AKAP13: variants seen among roughly 807,000 people sequenced by gnomAD.
The protein encoded by AKAP13 is A-kinase anchoring protein 13.
Under a neutral mutation model 264.5 loss-of-function variants are expected in AKAP13, and 80 were observed. The observed-to-expected ratio is 0.30, with a 90% CI of 0.25 to 0.36. The LOEUF is 0.36. AKAP13 is among the 10% of genes least tolerant of loss of function. The probability of loss-of-function intolerance (pLI) is 1.00; values close to 1 mark genes in which losing one functional copy is unlikely to be tolerated. For synonymous variants in AKAP13, 1,380 were observed against 1,250.2 expected, an observed-to-expected ratio of 1.10 and a Z score of -2.19; for missense variants, 3,712 against 3,435.2, an observed-to-expected ratio of 1.08 and a Z score of -2.01.
At chr15:85,508,659 C>G (rs7164244) in intron 2 of AKAP13, among the ~76,000 whole-genome samples, 35,965 of 151,806 alleles carry the variant, frequency 0.24, 4,522 homozygotes, top group African/African-American at 0.33. Context: ...TCATGTCACT[C>G]TTCTTTTCAA....
At chr15:85,689,281 C>G (rs1170721003) in intron 16 of AKAP13, among the ~76,000 whole-genome samples, 1 of 152,104 alleles carries the variant, frequency 6.6e-6, no homozygotes, top group Non-Finnish European at 1.5e-5. Context: ...GAAGTGCCTC[C>G]TAGAGTAGTG....
Position 85,727,456 on chromosome 15 carries a change from A to G in AKAP13, c.7080A>G (p.Glu2360=), listed in dbSNP as rs2087683643. ...EKKMLDTRAR[E]LKEQLHQKDQ... is the part of the protein sequence containing the mutation. ...AAATGTTGGACACCAGAGCCCGAGAATTAAAAGGTGAGGCATTGCGAGTGG... is the reference window on the plus strand; with the variant it reads ...AAATGTTGGACACCAGAGCCCGAGAGTTAAAAGGTGAGGCATTGCGAGTGG... The change falls in exon 29 of 37, where the codon GAA becomes GAG. Residue 2360 remains glutamate (E), a synonymous_variant. Coordinates refer to ENST00000394518, the MANE Select transcript of AKAP13 (RefSeq NM_007200.5). The surrounding 1 kb of genome is among the most constrained non-coding windows in gnomAD (Gnocchi z 5.3). The G allele has an allele frequency of 6.2e-7, 1 of 1,614,160 alleles. No homozygotes were observed. The highest frequency in any genetic ancestry group is 8.5e-7 in the Non-Finnish European group (1 of 1,179,984).
chr15:85,441,257 T>TA (rs1204167569), intron 1 of AKAP13, among the ~76,000 whole-genome samples: 2 of 152,116 alleles, frequency 1.3e-5, no homozygotes, highest in African/African-American at 4.8e-5. Flanking sequence ...CCAATAATGT[T>TA]AAGCTTTTTT....
intron 5 of AKAP13, among the ~76,000 whole-genome samples, chr15:85,547,621 G>A (rs1312531042): frequency 6.6e-6 from 1 of 152,108 alleles, no homozygotes; most frequent in Non-Finnish European, 1.5e-5. Flanking sequence ...GGAAGGCAGA[G>A]CTTTTGTTGA....
At chr15:85,409,578 G>T (rs1193530399) in intron 1 of AKAP13, among the ~76,000 whole-genome samples, 1 of 150,206 alleles carries the variant, frequency 6.7e-6, no homozygotes, top group Non-Finnish European at 1.5e-5. Context: ...CATTCTGTGG[G>T]TTGCCTTTTC....
chr15:85,715,805 C>T lies in AKAP13; in HGVS notation c.5617C>T (p.Arg1873Cys), dbSNP rs1227048865. ...MRNKPSQPKE[R>C]PRSAVLLVDE... ...TTTTGCAGCCTCACAGCCCAAGGAG[C>T]GTCCTCGGTCCGCAGTCCTCCTGGT... The change falls in exon 20 of 37, where the codon CGT becomes TGT. Residue 1873 changes from arginine (R) to cysteine (C), a missense_variant. By Grantham distance (180) the Arg-to-Cys change is radical. This residue lies in a region of AKAP13 where 2,759 missense variants were observed against 2,411.7 expected (regional missense o/e 1.14). Transcript: ENST00000394518. 1.1e-5 allele frequency: 17 copies of T among 1,611,704 alleles called. No homozygotes were observed. Among genetic ancestry groups the T allele is most frequent in the Non-Finnish European group, 1.4e-5 (16 of 1,179,494 alleles).
At chr15:85,701,727 G>A (rs909254854) in intron 17 of AKAP13, among the ~76,000 whole-genome samples, 3 of 151,866 alleles carry the variant, frequency 2.0e-5, no homozygotes, top group Non-Finnish European at 4.4e-5. Flanking sequence ...ACAGGCGTGA[G>A]CCACCATGCC....
chr15:85,416,068 C>CAACT (rs1298710458), intron 1 of AKAP13, among the ~76,000 whole-genome samples: 2 of 152,104 alleles, frequency 1.3e-5, no homozygotes, highest in African/African-American at 4.8e-5. Context: ...AAGGATGGAG[C>CAACT]AACTATATTT....
chr15:85,498,199 G>GATATATATATATATATAT (rs59420326), intron 2 of AKAP13, among the ~76,000 whole-genome samples: 68 of 133,054 alleles, frequency 5.1e-4, no homozygotes, highest in African/African-American at 1.8e-3. Flanking sequence ...AATGAAGTGA[G>GATATATATATATATATAT]ATATATATAT....
Position 85,745,850 on chromosome 15 carries a change from G to A in AKAP13, c.*1173G>A, listed in dbSNP as rs1026991452. The A allele has an allele frequency of 5.3e-5, 8 of 152,326 alleles. No individual in the cohort carries two copies. Among genetic ancestry groups the A allele is most frequent in the African/African-American group, 1.9e-4 (8 of 41,476 alleles). 9.4% of individuals were successfully genotyped at this position (152,326 alleles called of 1,614,324 possible). A position where few individuals can be genotyped will look rare whatever the true frequency, so the allele number is the denominator to read the frequency against. ...TGTGAAAGCGCCCTTCTTATGTTAG[G>A]AGGCCTTGGCAAAATTGGATTTCTT... On this transcript the variant is annotated 3_prime_UTR_variant, in exon 37 of 37. Transcript: ENST00000394518.
chr15:85,664,440 G>A lies in AKAP13; in HGVS notation c.4800-123G>A, dbSNP rs2083491353. ...TCTTTGTGCCATGCCCTTTTAGACA[G>A]TTTTGCTAGCTGACATAGAAATAAT... On this transcript the variant is annotated intron_variant, in intron 12 of 36. Coordinates refer to ENST00000394518, the MANE Select transcript of AKAP13 (RefSeq NM_007200.5). The A allele has an allele frequency of 1.7e-5, 17 of 983,392 alleles. No individual in the cohort carries two copies. The South Asian group carries it at 3.0e-4, about 17-fold the overall frequency. 60.9% of individuals were successfully genotyped at this position (983,392 alleles called of 1,614,324 possible). A position where few individuals can be genotyped will look rare whatever the true frequency, so the allele number is the denominator to read the frequency against.
intron 10 of AKAP13, among the ~76,000 whole-genome samples, chr15:85,646,336 G>C (rs911000670): frequency 2.0e-5 from 3 of 152,036 alleles, no homozygotes; most frequent in Admixed American, 6.6e-5. Context: ...TTAGCTGGAC[G>C]TGCTCACTTG....
chr15:85,411,349 AAAGGGAAATATG>A (rs1465374855), intron 1 of AKAP13, among the ~76,000 whole-genome samples: 1 of 152,216 alleles, frequency 6.6e-6, no homozygotes, highest in Non-Finnish European at 1.5e-5. Flanking sequence ...TGTGGGAAGA[AAAGGGAAATATG>A]CGCAAAGGAG....
intron 3 of AKAP13, among the ~76,000 whole-genome samples, chr15:85,529,527 TAGTA>T (rs1390003753): frequency 1.3e-5 from 2 of 152,218 alleles, no homozygotes; most frequent in African/African-American, 2.4e-5. Context: ...TAATTTATGA[TAGTA>T]AGAGGTTTGG....
chr15:85,599,515 G>A (rs1024816983), intron 8 of AKAP13, among the ~76,000 whole-genome samples: 2 of 152,156 alleles, frequency 1.3e-5, no homozygotes, highest in Admixed American at 6.5e-5. Flanking sequence ...CAGAGTTACC[G>A]TGTATCTCTA....
intron 17 of AKAP13, among the ~76,000 whole-genome samples, chr15:85,699,134 A>G (rs2085751348): frequency 6.6e-6 from 1 of 151,882 alleles, no homozygotes; most frequent in East Asian, 1.9e-4. Context: ...TATGGAAAAC[A>G]AACAGTTTAT....
intron 2 of AKAP13, among the ~76,000 whole-genome samples, chr15:85,498,547 G>A (rs543201557): frequency 6.6e-6 from 1 of 151,938 alleles, no homozygotes; most frequent in South Asian, 2.1e-4. Context: ...TTTCATCTCT[G>A]CACGTGAGGA....
At position 85,724,966 on chromosome 15, in the gene AKAP13, A is replaced by AT. The variant is rs2087519992; in HGVS notation, c.6746-1444_6746-1443insT. 2.0e-5 allele frequency among the ~76,000 whole-genome samples: 3 copies of AT among 152,170 alleles called. No homozygotes were observed. Among genetic ancestry groups the AT allele is most frequent in the Admixed American group, 6.5e-5 (1 of 15,272 alleles). The stretch of plus-strand genomic sequence containing the variant: ...AGTCTTAATATTCCATGATGTTCTG[A>AT]GAGCCCTAGCTCTCTTTGAGACTTT... On this transcript the variant is annotated intron_variant, in intron 26 of 36. Coordinates refer to ENST00000394518, the MANE Select transcript of AKAP13 (RefSeq NM_007200.5). The surrounding 1 kb of genome is among the most constrained non-coding windows in gnomAD (Gnocchi z 4.2).
chr15:85,680,396 A>G (rs953575048), intron 14 of AKAP13, among the ~76,000 whole-genome samples: 1 of 152,168 alleles, frequency 6.6e-6, no homozygotes, highest in African/African-American at 2.4e-5. Context: ...TGGATCCCAG[A>G]TATTCTTATG....
Sources: allele counts gnomAD v4.1 joint callset (sites outside exome capture counted in the v4.1 genomes callset), GRCh38; gene constraint gnomAD v4.1.1; regional missense constraint gnomAD v4.1.1; non-coding constraint Gnocchi (gnomAD v3.1); transcripts MANE v1.5; gene names NCBI Gene and HGNC (gene_info 2026-07-23, HGNC 2026-07-21).